Variants in ZNF532 observed in about 807,000 individuals in gnomAD.
ZNF532 encodes zinc finger protein 532.
In ZNF532, 22 loss-of-function variants were observed where a neutral mutation model predicts 89.3. That is an observed-to-expected ratio of 0.25 (90% CI 0.18 to 0.35). The LOEUF is 0.35. Ranked by LOEUF, ZNF532 falls within the 10% of genes least tolerant of loss-of-function variation. The probability of loss-of-function intolerance (pLI) is 1.00; values close to 1 mark genes in which losing one functional copy is unlikely to be tolerated. For synonymous variants in ZNF532, 606 were observed against 649.6 expected (o/e 0.93, Z 1.02); for missense variants, 1,132 against 1,643.4 (o/e 0.69, Z 5.38).
intron 2 of ZNF532, among the ~76,000 whole-genome samples, chr18:58,912,773 A>G (rs1410416618): frequency 6.6e-6 from 1 of 152,086 alleles, no homozygotes; most frequent in East Asian, 1.9e-4. Context: ...TTTCTTTTCC[A>G]CATTTTTTCA....
intron 2 of ZNF532, among the ~76,000 whole-genome samples, chr18:58,902,285 C>T (rs1483785913): frequency 2.0e-5 from 3 of 152,098 alleles, no homozygotes; most frequent in African/African-American, 7.2e-5. Flanking sequence ...ATGGGGAAGA[C>T]ACAAGTCTCA....
intron 7 of ZNF532, among the ~76,000 whole-genome samples, chr18:58,972,700 G>A (rs1371163271): frequency 3.3e-5 from 5 of 152,030 alleles, no homozygotes; most frequent in Middle Eastern, 3.4e-3. Context: ...TTCATCGCTC[G>A]CCTCTATCCT....
chr18:58,869,579 T>G (rs959398014), intron 2 of ZNF532, among the ~76,000 whole-genome samples: 39 of 152,226 alleles, frequency 2.6e-4, no homozygotes, highest in Non-Finnish European at 4.3e-4. Flanking sequence ...TTGTGTGTTA[T>G]TAACTTCTGA....
At chr18:58,885,152 C>T (rs565218869) in intron 2 of ZNF532, among the ~76,000 whole-genome samples, 8 of 152,150 alleles carry the variant, frequency 5.3e-5, no homozygotes, top group Admixed American at 4.6e-4. Context: ...CCACGCCTGG[C>T]TAATTTTTAT....
intron 7 of ZNF532, among the ~76,000 whole-genome samples, chr18:58,971,067 T>G (rs1446722917): frequency 6.6e-6 from 1 of 152,246 alleles, no homozygotes. Flanking sequence ...TTCTGCGTCA[T>G]TACTTTTTCA....
chr18:58,897,329 C>A (rs544491063), intron 2 of ZNF532, among the ~76,000 whole-genome samples: 1 of 152,208 alleles, frequency 6.6e-6, no homozygotes, highest in South Asian at 2.1e-4. Flanking sequence ...GAGCAAGGTT[C>A]TTCTAAATGC....
chr18:58,954,383 A>G, intron 7 of ZNF532: 2 of 426,516 alleles, frequency 4.7e-6, no homozygotes, highest in South Asian at 9.9e-5. Context: ...TACTTATTAG[A>G]CCTAATAATA....
At chr18:58,916,147 A>G (rs1345444476) in intron 2 of ZNF532, among the ~76,000 whole-genome samples, 1 of 152,260 alleles carries the variant, frequency 6.6e-6, no homozygotes, top group Non-Finnish European at 1.5e-5. Context: ...TGGTAAGGAT[A>G]GATCACAGGG....
chr18:58,899,865 C>A (rs1416446768), intron 2 of ZNF532, among the ~76,000 whole-genome samples: 1 of 152,150 alleles, frequency 6.6e-6, no homozygotes, highest in Non-Finnish European at 1.5e-5. Flanking sequence ...TCTAGTTATA[C>A]TCTTGGGGAG....
chr18:58,959,253 G>GTTTTTTTTTTTTTTTTTT (rs201150500), intron 7 of ZNF532, among the ~76,000 whole-genome samples: 34 of 121,644 alleles, frequency 2.8e-4, no homozygotes, highest in East Asian at 1.9e-3. Context: ...TCAGTTTTTT[G>GTTTTTTTTTTTTTTTTTT]TTTTTTGTTT....
rs1568227838 is a variant in ZNF532 at position 58,880,773 on chromosome 18, T to TG, written c.-18+15194_-18+15195insG. Among the ~76,000 whole-genome samples, 14 of 131,842 alleles carry TG rather than the reference T, an allele frequency of 1.1e-4. No individual in the cohort carries two copies. In the East Asian group the frequency reaches 2.2e-3, roughly 21 times the overall value. The allele number at this position is 131,842 out of a possible 152,430, so 86.5% of individuals were successfully genotyped here. A position where few individuals can be genotyped will look rare whatever the true frequency, so the allele number is the denominator to read the frequency against. On this transcript the variant is annotated intron_variant, in intron 2 of 9. Coordinates refer to ENST00000591808, the MANE Select transcript of ZNF532 (RefSeq NM_001375912.1). The stretch of plus-strand genomic sequence containing the variant: ...ATAGGCGCGCGCGCACGCGCGCGCG[T>TG]CTGTGTGTGTGTGTGTATGTTTGGG...
At chr18:58,975,525 G>C (rs2147545707) in intron 7 of ZNF532, among the ~76,000 whole-genome samples, 1 of 152,358 alleles carries the variant, frequency 6.6e-6, no homozygotes, top group Admixed American at 6.5e-5. Flanking sequence ...CGTCCACCAA[G>C]TGCTCTCCGG....
intron 2 of ZNF532, among the ~76,000 whole-genome samples, chr18:58,903,732 TCTGATTGTACATACCCGCAAGGCA>T (rs2059745673): frequency 6.6e-6 from 1 of 152,118 alleles, no homozygotes. Flanking sequence ...TTGTGGGATA[TCTGATTGTACATACCCGCAAGGCA>T]CTTGAACTAG....
chr18:58,899,414 T>C (rs1427336197), intron 2 of ZNF532, among the ~76,000 whole-genome samples: 4 of 152,208 alleles, frequency 2.6e-5, no homozygotes, highest in African/African-American at 4.8e-5. Context: ...TCCTGTATTA[T>C]TTCTGTAATA....
intron 5 of ZNF532, among the ~76,000 whole-genome samples, chr18:58,942,692 A>C (rs1432918486): frequency 2.9e-4 from 44 of 152,026 alleles, no homozygotes; most frequent in Non-Finnish European, 1.2e-4. Context: ...AAAAGCTTTC[A>C]TCCTGTGGCT....
At chr18:58,871,214 G>A (rs1385923533) in intron 2 of ZNF532, among the ~76,000 whole-genome samples, 1 of 152,088 alleles carries the variant, frequency 6.6e-6, no homozygotes, top group Non-Finnish European at 1.5e-5. Context: ...GGCACTTTAC[G>A]TCTGTTATCC....
At position 58,919,313 on chromosome 18, in the gene ZNF532, C is replaced by T. The variant is rs368941599; in HGVS notation, c.1026C>T (p.Asn342=). The change falls in exon 3 of 10, where the codon AAC becomes AAT. Residue 342 remains asparagine, a synonymous_variant. Coordinates refer to ENST00000591808, the MANE Select transcript of ZNF532 (RefSeq NM_001375912.1). The surrounding 1 kb of genome is among the most constrained non-coding windows in gnomAD (Gnocchi z 6.1). ...PDSPRSISSE[N]SSKGSPSSPA... ...GTCCCAGAAGCATCTCAAGTGAGAA[C>T]AGCAGCAAAGGATCCCCGTCCTCTC... 15 of 1,614,078 alleles carry T rather than the reference C, an allele frequency of 9.3e-6. No individual in the cohort carries two copies. In the Admixed American group the frequency reaches 1.2e-4, roughly 13 times the overall value.
chr18:58,897,551 A>G lies in ZNF532; in HGVS notation c.-17-20720A>G, dbSNP rs1388883186. Among the ~76,000 whole-genome samples the G allele has an allele frequency of 2.6e-5, 4 of 152,386 alleles. No individual in the cohort carries two copies. In the East Asian group the frequency reaches 7.7e-4, roughly 29 times the overall value. ...AACAACAACCTTAGGATTAGTTATC[A>G]TGACAGATTGGCATTAGGAAAAATG... On this transcript the variant is annotated intron_variant, in intron 2 of 9. Coordinates refer to ENST00000591808, the MANE Select transcript of ZNF532 (RefSeq NM_001375912.1).
intron 2 of ZNF532, among the ~76,000 whole-genome samples, chr18:58,868,113 C>T (rs1243266248): frequency 1.3e-5 from 2 of 152,128 alleles, no homozygotes; most frequent in Non-Finnish European, 2.9e-5. Context: ...CAACCTTTAC[C>T]GTATCCTTGG....
Sources: gnomAD v4.1 joint callset for allele counts (sites outside exome capture counted in the v4.1 genomes callset) on GRCh38, gnomAD v4.1.1 for gene constraint, Gnocchi (gnomAD v3.1) non-coding constraint, MANE v1.5 for transcripts, NCBI Gene and HGNC (gene_info 2026-07-23, HGNC 2026-07-21) for gene names.